The following PDE7B variants were observed in gnomAD, a reference collection of about 807,000 sequenced individuals.
The protein encoded by PDE7B is 3',5'-cyclic-AMP phosphodiesterase 7B.
Under a neutral mutation model 56.2 loss-of-function variants are expected in PDE7B, and 29 were observed. That is an observed-to-expected ratio of 0.52 (90% confidence interval 0.38 to 0.70). PDE7B has a LOEUF of 0.70. Ranked by LOEUF, PDE7B falls within the 30% of genes least tolerant of loss-of-function variation. The pLI is 0.00. For synonymous variants in PDE7B, 197 were observed against 196.9 expected, an observed-to-expected ratio of 1.00 and a Z score of 0.00; for missense variants, 490 against 565.0, an observed-to-expected ratio of 0.87 and a Z score of 1.35.
chr6:135,993,705 C>T (rs113284264), intron 2 of PDE7B, among the ~76,000 whole-genome samples: 31 of 152,286 alleles, frequency 2.0e-4, no homozygotes, highest in African/African-American at 7.0e-4. Flanking sequence ...AACTGATGGG[C>T]TGAATTAATG....
At chr6:136,177,605 CCAT>C (rs1332452186) in intron 9 of PDE7B, among the ~76,000 whole-genome samples, 1 of 151,976 alleles carries the variant, frequency 6.6e-6, no homozygotes, top group East Asian at 1.9e-4. Flanking sequence ...CATGACATGC[CCAT>C]CAAACTAGCA....
intron 2 of PDE7B, among the ~76,000 whole-genome samples, chr6:136,011,857 T>C (rs1210583780): frequency 6.6e-6 from 1 of 152,184 alleles, no homozygotes; most frequent in East Asian, 1.9e-4. Context: ...TTTCAGAGTA[T>C]AAGTTTTATT....
intron 2 of PDE7B, chr6:136,034,427 T>C (rs912952202): frequency 2.0e-5 from 3 of 152,206 alleles, no homozygotes; most frequent in African/African-American, 7.2e-5. Flanking sequence ...TTTTTAGTTT[T>C]TGGAAGAAGG....
chr6:136,174,046 G>T (rs1778937277), intron 9 of PDE7B, among the ~76,000 whole-genome samples, 158 bp downstream of exon 9: 1 of 152,188 alleles, frequency 6.6e-6, no homozygotes, highest in Admixed American at 6.5e-5. Flanking sequence ...TTTGGTGTCA[G>T]TTACAGCAAC....
intron 2 of PDE7B, among the ~76,000 whole-genome samples, chr6:135,988,229 T>C (rs1004878455): frequency 2.0e-5 from 3 of 151,936 alleles, no homozygotes; most frequent in African/African-American, 7.3e-5. Flanking sequence ...CTTGGAGAAT[T>C]GCCTGTAGAA....
intron 1 of PDE7B, among the ~76,000 whole-genome samples, chr6:135,900,773 C>T (rs761286993): frequency 1.3e-5 from 2 of 151,896 alleles, no homozygotes; most frequent in Non-Finnish European, 2.9e-5. Flanking sequence ...GACTGACATA[C>T]TCAGTATTTC....
At chr6:136,010,679 A>G (rs1467232962) in intron 2 of PDE7B, among the ~76,000 whole-genome samples, 1 of 151,994 alleles carries the variant, frequency 6.6e-6, no homozygotes, top group African/African-American at 2.4e-5. Context: ...CCAAGGCTGG[A>G]GTGCAATGGC....
intron 1 of PDE7B, among the ~76,000 whole-genome samples, chr6:135,938,078 G>C (rs1774451816): frequency 6.6e-6 from 1 of 152,164 alleles, no homozygotes; most frequent in South Asian, 2.1e-4. Flanking sequence ...AGTCAACTCT[G>C]ACTAAGATCA....
At chr6:135,862,138 G>A (rs73556503) in intron 1 of PDE7B, among the ~76,000 whole-genome samples, 5,300 of 151,834 alleles carry the variant, frequency 0.035, 292 homozygotes, top group African/African-American at 0.12. Flanking sequence ...TATTGTTGAA[G>A]GGGTAATCGT....
chr6:135,987,025 T>C (rs554274864), intron 2 of PDE7B, among the ~76,000 whole-genome samples: 5 of 152,348 alleles, frequency 3.3e-5, no homozygotes, highest in African/African-American at 7.2e-5. Flanking sequence ...TCTAGCTTTC[T>C]GTTATTAAAG....
At chr6:135,984,443 T>G (rs1283114284) in intron 2 of PDE7B, among the ~76,000 whole-genome samples, 2 of 152,124 alleles carry the variant, frequency 1.3e-5, no homozygotes, top group Non-Finnish European at 2.9e-5. Context: ...AGATAGACAT[T>G]TTCAATTTGA....
At chr6:136,019,578 A>T (rs1480259758) in intron 2 of PDE7B, among the ~76,000 whole-genome samples, 2 of 152,160 alleles carry the variant, frequency 1.3e-5, no homozygotes, top group Non-Finnish European at 2.9e-5. Context: ...TTGGCAATAC[A>T]GTTGATCCTT....
At chr6:136,161,119 T>A (rs1395032341) in intron 8 of PDE7B, among the ~76,000 whole-genome samples, 5 of 151,982 alleles carry the variant, frequency 3.3e-5, no homozygotes, top group Non-Finnish European at 1.5e-5. Flanking sequence ...TACAATAGAG[T>A]ATGTTGTCTG....
intron 2 of PDE7B, among the ~76,000 whole-genome samples, chr6:135,947,848 C>A (rs1446503936): frequency 1.1e-4 from 16 of 151,932 alleles, no homozygotes. Context: ...AATTCCTAAA[C>A]CAAAGATGGA....
chr6:135,957,547 G>A (rs1449663954), intron 2 of PDE7B, among the ~76,000 whole-genome samples: 1 of 152,086 alleles, frequency 6.6e-6, no homozygotes, highest in East Asian at 1.9e-4. Flanking sequence ...ATCTGCAAGG[G>A]GATGCCTTGA....
chr6:136,112,990 A>T (rs1777772763), intron 3 of PDE7B, among the ~76,000 whole-genome samples: 1 of 152,184 alleles, frequency 6.6e-6, no homozygotes, highest in African/African-American at 2.4e-5. Context: ...ACTAAATTAC[A>T]AGGCCAACTG....
At chr6:136,019,281 A>C (rs1776029700) in intron 2 of PDE7B, among the ~76,000 whole-genome samples, 1 of 152,198 alleles carries the variant, frequency 6.6e-6, no homozygotes, top group East Asian at 1.9e-4. Flanking sequence ...GCATTATTTC[A>C]TATAAGTTAA....
At chr6:136,000,811 T>G (rs940476985) in intron 2 of PDE7B, among the ~76,000 whole-genome samples, 1 of 152,352 alleles carries the variant, frequency 6.6e-6, no homozygotes, top group East Asian at 1.9e-4. Context: ...TCTGCAGACT[T>G]AAATGTCCCT....
intron 2 of PDE7B, among the ~76,000 whole-genome samples, chr6:136,063,825 AT>A (rs1168877157): frequency 6.6e-6 from 1 of 152,080 alleles, no homozygotes; most frequent in Non-Finnish European, 1.5e-5. Flanking sequence ...TCATTTCCAA[AT>A]TCCCTTATCC....
Sources: allele counts gnomAD v4.1 joint callset (sites outside exome capture counted in the v4.1 genomes callset), GRCh38; gene constraint gnomAD v4.1.1; transcripts MANE v1.5; gene names NCBI Gene and HGNC (gene_info 2026-07-23, HGNC 2026-07-21).